Variants in SLC5A10 observed in about 807,000 individuals in gnomAD.
SLC5A10 encodes sodium/mannose cotransporter SLC5A10.
Under a neutral mutation model 68.9 loss-of-function variants are expected in SLC5A10, and 55 were observed. The observed-to-expected ratio is 0.80, with a 90% CI of 0.64 to 1.00. The LOEUF is 1.00. SLC5A10 is among the 50% of genes least tolerant of loss of function. SLC5A10 has a pLI of 0.00. For synonymous variants in SLC5A10, 344 were observed against 344.8 expected (o/e 1.00, Z 0.02); for missense variants, 732 against 819.3 (o/e 0.89, Z 1.30).
chr17:18,970,870 T>G, intron 7 of SLC5A10, 143 bp from the exon 8 acceptor site: 3 of 706,210 alleles, frequency 4.2e-6, no homozygotes, highest in Non-Finnish European at 7.2e-6. Context: ...CTCACACCTT[T>G]CCAAACACTG....
intron 8 of SLC5A10, among the ~76,000 whole-genome samples, chr17:18,973,752 C>T (rs1190426841): frequency 1.3e-5 from 2 of 152,160 alleles, no homozygotes; most frequent in Non-Finnish European, 2.9e-5. Context: ...GGCTGGAGTG[C>T]AGTGGCACCA....
Position 19,003,703 on chromosome 17 carries a change from C to T in SLC5A10, c.983-9707C>T. 1 of 1,605,828 alleles carries T rather than the reference C, an allele frequency of 6.2e-7. No individual in the cohort carries two copies. Among genetic ancestry groups the T allele is most frequent in the Non-Finnish European group, 8.5e-7 (1 of 1,176,098 alleles). ...GGGGCCAGTACTCCAGGGAGGGCAG[C>T]GGCTCGGCCTCGATGGGGACCCCAT... On this transcript the variant is annotated intron_variant, in intron 9 of 14. Transcript: ENST00000395645. The surrounding 1 kb of genome is among the most constrained non-coding windows in gnomAD (Gnocchi z 4.5).
Position 19,003,942 on chromosome 17 carries a change from C to T in SLC5A10, c.983-9468C>T. 2 of 1,612,948 alleles carry T rather than the reference C, an allele frequency of 1.2e-6. No homozygotes were observed. The highest frequency in any genetic ancestry group is 1.1e-5 in the South Asian group (1 of 91,074). ...CCGCGGGCCACCAGGGCCTCCAGCG[C>T]CAGCCGCTGCTCCTCGCTGTAGAAG... On this transcript the variant is annotated intron_variant, in intron 9 of 14. Coordinates refer to ENST00000395645, the MANE Select transcript of SLC5A10 (RefSeq NM_001042450.4). This position sits in a 1 kb window ranked among gnomAD's most constrained non-coding sequence, Gnocchi z 4.5.
At chr17:18,984,272 G>A (rs989113216) in intron 9 of SLC5A10, among the ~76,000 whole-genome samples, 7 of 146,968 alleles carry the variant, frequency 4.8e-5, no homozygotes, top group Non-Finnish European at 1.0e-4. Flanking sequence ...AACCCGGGAG[G>A]CAGAGCTTGC....
At chr17:18,991,148 T>C (rs1355641040) in intron 9 of SLC5A10, among the ~76,000 whole-genome samples, 1 of 152,210 alleles carries the variant, frequency 6.6e-6, no homozygotes, top group African/African-American at 2.4e-5. Flanking sequence ...CCTAATTCTG[T>C]TGGGAGGCCC....
chr17:18,992,568 G>A (rs1597876701), intron 9 of SLC5A10, among the ~76,000 whole-genome samples: 1 of 152,216 alleles, frequency 6.6e-6, no homozygotes, highest in Non-Finnish European at 1.5e-5. Flanking sequence ...GAGCACAGGC[G>A]TGGGCCTCCT....
rs767097017 is a variant in SLC5A10 at position 19,017,251 on chromosome 17, G to T, written c.1241+2052G>T. On this transcript the variant is annotated intron_variant, in intron 11 of 14. Coordinates refer to ENST00000395645, the MANE Select transcript of SLC5A10 (RefSeq NM_001042450.4). The surrounding 1 kb of genome is among the most constrained non-coding windows in gnomAD (Gnocchi z 5.6). ...GAAAGGGCCCCGTGCCAGGTGTCAG[G>T]CTGGCCAGCTCAACTTCCCGTCCCT... 3.9e-6 allele frequency: 6 copies of T among 1,541,292 alleles called. No homozygotes were observed. The highest frequency in any genetic ancestry group is 2.4e-5 in the South Asian group (2 of 83,780).
chr17:19,022,263 G>C lies in SLC5A10; in HGVS notation c.*1832G>C, dbSNP rs1427553002. 1.8e-6 allele frequency: 1 copy of C among 547,038 alleles called. No individual in the cohort carries two copies. The highest frequency in any genetic ancestry group is 3.2e-6 in the Non-Finnish European group (1 of 312,156). 33.9% of individuals were successfully genotyped at this position (547,038 alleles called of 1,614,324 possible). A position where few individuals can be genotyped will look rare whatever the true frequency, so the allele number is the denominator to read the frequency against. The stretch of plus-strand genomic sequence containing the variant: ...TGAGGAGGGGTCTCGGGCAGCACCG[G>C]AGTTGAACTTTAAGTCCAGATCAAT... On this transcript the variant is annotated 3_prime_UTR_variant, in exon 15 of 15. Transcript: ENST00000395645.
intron 9 of SLC5A10, among the ~76,000 whole-genome samples, chr17:18,998,546 T>C (rs2043629646): frequency 6.6e-6 from 1 of 152,204 alleles, no homozygotes. Context: ...GCCCTGGCTC[T>C]TGGGGTTGTG....
chr17:18,958,567 G>T, intron 1 of SLC5A10, 115 bp from the exon 2 acceptor site: 1 of 766,644 alleles, frequency 1.3e-6, no homozygotes, highest in South Asian at 1.7e-5. Context: ...GGAACTTCTG[G>T]GTCATATGGT....
chr17:19,015,219 T>A lies in SLC5A10; in HGVS notation c.1241+20T>A. 1.9e-5 allele frequency: 6 copies of A among 308,616 alleles called. No individual in the cohort carries two copies. Among genetic ancestry groups the A allele is most frequent in the Middle Eastern group, 1.0e-3 (1 of 968 alleles). 19.1% of individuals were successfully genotyped at this position (308,616 alleles called of 1,614,324 possible). On this transcript the variant is annotated intron_variant, in intron 11 of 14. Coordinates refer to ENST00000395645, the MANE Select transcript of SLC5A10 (RefSeq NM_001042450.4). The stretch of plus-strand genomic sequence containing the variant: ...GGGACGGTACGGGGGTGGGGGCCAG[T>A]ACGGGGGTGGGGGAACACTACAAGG...
chr17:18,959,497 G>A, intron 3 of SLC5A10, 107 bp from the exon 4 acceptor site: 2 of 1,266,418 alleles, frequency 1.6e-6, no homozygotes, highest in Admixed American at 1.7e-5. Context: ...GGAGGGGCTG[G>A]GGGAAGCCAG....
intron 13 of SLC5A10, 80 bp from the exon 14 acceptor site, chr17:19,020,075 C>A: frequency 1.4e-6 from 2 of 1,478,804 alleles, no homozygotes; most frequent in Non-Finnish European, 1.9e-6. Flanking sequence ...ATCTTGCCAT[C>A]CCCAACCTTT....
Position 19,019,548 on chromosome 17 carries a change from C to T in SLC5A10, c.1367C>T (p.Ala456Val), listed in dbSNP as rs1361730884. The T allele has an allele frequency of 6.2e-7, 1 of 1,612,314 alleles. No individual in the cohort carries two copies. The change falls in exon 12 of 15, where the codon GCA becomes GTA. Residue 456 changes from alanine (A) to valine (V), a missense_variant. Physicochemically the swap from Ala to Val is moderately conservative, Grantham distance 64. Coordinates refer to ENST00000395645, the MANE Select transcript of SLC5A10 (RefSeq NM_001042450.4). ...AGCTCCCTGGCCCCACCAGTGACTG[C>T]AGTCTTTGTCCTGGGCGTCTTCTGG... is the stretch of plus-strand genomic sequence containing the variant. ...VTSSLAPPVT[A>V]VFVLGVFWRR...
chr17:18,953,236 A>C (rs1485229550), intron 1 of SLC5A10, among the ~76,000 whole-genome samples: 1 of 151,466 alleles, frequency 6.6e-6, no homozygotes, highest in East Asian at 1.9e-4. Context: ...CCTGGGTTCA[A>C]ACAATTCTGC....
At chr17:18,967,954 C>T (rs559310516) in intron 5 of SLC5A10, among the ~76,000 whole-genome samples, 42 of 151,904 alleles carry the variant, frequency 2.8e-4, no homozygotes, top group African/African-American at 8.9e-4. Flanking sequence ...GGACCAGAGC[C>T]GGGGTTCTCC....
intron 9 of SLC5A10, among the ~76,000 whole-genome samples, chr17:18,987,912 A>G (rs976119399): frequency 2.0e-5 from 3 of 152,266 alleles, no homozygotes; most frequent in Non-Finnish European, 4.4e-5. Context: ...TGAGCACACT[A>G]TCACCAGAGG....
intron 9 of SLC5A10, chr17:18,977,452 T>A (rs1392121905): frequency 7.6e-6 from 7 of 920,134 alleles, no homozygotes; most frequent in Non-Finnish European, 1.1e-5. Context: ...TCATCAAGTT[T>A]CCCCATCTGT....
chr17:18,997,232 C>A (rs1287136202), intron 9 of SLC5A10, among the ~76,000 whole-genome samples: 4 of 152,226 alleles, frequency 2.6e-5, no homozygotes, highest in African/African-American at 7.2e-5. Flanking sequence ...AAGGCACTAC[C>A]CTGAGTCTCC....
Sources: allele counts gnomAD v4.1 joint callset (sites outside exome capture counted in the v4.1 genomes callset), GRCh38; gene constraint gnomAD v4.1.1; non-coding constraint Gnocchi (gnomAD v3.1); transcripts MANE v1.5; gene names NCBI Gene and HGNC (gene_info 2026-07-23, HGNC 2026-07-21).